The following PPIP5K2 variants were observed in gnomAD, a reference collection of about 807,000 sequenced individuals.
PPIP5K2 encodes diphosphoinositol pentakisphosphate kinase 2.
A neutral mutation model predicts 154.6 loss-of-function variants in PPIP5K2; 105 were observed. The observed-to-expected ratio is 0.68, with a 90% CI of 0.58 to 0.80. PPIP5K2 has a LOEUF of 0.80. PPIP5K2 is among the 30% of genes least tolerant of loss of function. The probability of loss-of-function intolerance (pLI) is 0.00; values close to 1 mark genes in which losing one functional copy is unlikely to be tolerated. For synonymous variants in PPIP5K2, 480 were observed against 490.3 expected (o/e 0.98, Z 0.28); for missense variants, 992 against 1,504.6 (o/e 0.66, Z 5.64).
At position 103,202,972 on chromosome 5, in the gene PPIP5K2, C is replaced by T. The variant is rs1052370159; in HGVS notation, c.*1338C>T. On this transcript the variant is annotated 3_prime_UTR_variant, in exon 31 of 31. Coordinates refer to ENST00000358359, the MANE Select transcript of PPIP5K2 (RefSeq NM_001276277.3). ...AATTAACTTATAGGAAATAAGCATA[C>T]TATATGTTAGCTGTTTTAAAAGGTA... 6.6e-6 allele frequency: 1 copy of T among 152,458 alleles called. No individual in the cohort carries two copies. Among genetic ancestry groups the T allele is most frequent in the Non-Finnish European group, 1.5e-5 (1 of 67,974 alleles). The allele number at this position is 152,458 out of a possible 1,614,324, so 9.4% of individuals were successfully genotyped here. A position where few individuals can be genotyped will look rare whatever the true frequency, so the allele number is the denominator to read the frequency against.
intron 19 of PPIP5K2, among the ~76,000 whole-genome samples, chr5:103,171,233 C>G (rs1797932065): frequency 6.6e-6 from 1 of 151,256 alleles, no homozygotes; most frequent in African/African-American, 2.4e-5. Context: ...AATTGGGGCC[C>G]TGGTTTAAAA....
Position 103,189,355 on chromosome 5 carries a change from T to G in PPIP5K2, c.3353-1487T>G, listed in dbSNP as rs1268986749. 2.0e-5 allele frequency: 12 copies of G among 604,510 alleles called. No individual in the cohort carries two copies. The Admixed American group carries it at 4.1e-4, about 21-fold the overall frequency. The allele number at this position is 604,510 out of a possible 1,614,324, so 37.4% of individuals were successfully genotyped here. A position where few individuals can be genotyped will look rare whatever the true frequency, so the allele number is the denominator to read the frequency against. On this transcript the variant is annotated intron_variant, in intron 28 of 30. Coordinates refer to ENST00000358359, the MANE Select transcript of PPIP5K2 (RefSeq NM_001276277.3). ...GAAAAAAATGTAGTCTAGAGGAACTTAATTATATTGTCATTTGCCTGTTAT... is the reference window on the plus strand; with the variant it reads ...GAAAAAAATGTAGTCTAGAGGAACTGAATTATATTGTCATTTGCCTGTTAT...
At chr5:103,152,602 G>C in intron 9 of PPIP5K2, 46 bp from the exon 10 acceptor site, 1 of 1,244,852 alleles carries the variant, frequency 8.0e-7, no homozygotes, top group Non-Finnish European at 1.2e-6. Context: ...ACCCAGTTTT[G>C]TCTTAAAACG....
At chr5:103,169,895 A>G (rs1019422172) in intron 19 of PPIP5K2, among the ~76,000 whole-genome samples, 1 of 151,466 alleles carries the variant, frequency 6.6e-6, no homozygotes, top group East Asian at 1.9e-4. Context: ...TATGGCAGCT[A>G]TAAGCACTTT....
intron 3 of PPIP5K2, among the ~76,000 whole-genome samples, chr5:103,135,214 C>A (rs1465645368): frequency 1.3e-5 from 2 of 152,020 alleles, no homozygotes; most frequent in African/African-American, 4.8e-5. Context: ...GCCTTATATC[C>A]ACACTATTAT....
chr5:103,133,134 G>C (rs1330135269), intron 2 of PPIP5K2, among the ~76,000 whole-genome samples: 1 of 152,150 alleles, frequency 6.6e-6, no homozygotes, highest in Non-Finnish European at 1.5e-5. Flanking sequence ...ATACTTTACT[G>C]GTGTGAGGAG....
At chr5:103,194,724 C>A in intron 29 of PPIP5K2, 176 bp from the exon 30 acceptor site, 1 of 592,388 alleles carries the variant, frequency 1.7e-6, no homozygotes, top group Non-Finnish European at 2.9e-6. Flanking sequence ...TGTCTAAGGC[C>A]ATAACAGAAC....
intron 14 of PPIP5K2, among the ~76,000 whole-genome samples, chr5:103,156,678 C>T (rs1795465829): frequency 6.6e-6 from 1 of 152,150 alleles, no homozygotes; most frequent in Admixed American, 6.5e-5. Context: ...GACAGGATTT[C>T]AGTCTATAGT....
chr5:103,151,983 C>T (rs1271365168), intron 9 of PPIP5K2, among the ~76,000 whole-genome samples: 3 of 151,918 alleles, frequency 2.0e-5, no homozygotes, highest in Non-Finnish European at 4.4e-5. Context: ...AGGAAACTTA[C>T]ATTAAAAAAT....
intron 17 of PPIP5K2, among the ~76,000 whole-genome samples, chr5:103,162,365 G>A (rs192525458): frequency 8.6e-6 from 1 of 116,768 alleles, no homozygotes; most frequent in Admixed American, 8.5e-5. Flanking sequence ...TTTTTTTTTT[G>A]TTTTTTTGTT....
intron 21 of PPIP5K2, among the ~76,000 whole-genome samples, chr5:103,177,423 T>TTTTGGA (rs1331141787): frequency 6.6e-6 from 1 of 151,920 alleles, no homozygotes; most frequent in Non-Finnish European, 1.5e-5. Context: ...GGGTTTTGGA[T>TTTTGGA]TTTGGATTTT....
At chr5:103,165,672 G>A (rs1797014854) in intron 17 of PPIP5K2, among the ~76,000 whole-genome samples, 1 of 152,022 alleles carries the variant, frequency 6.6e-6, no homozygotes, top group African/African-American at 2.4e-5. Flanking sequence ...AAGTTTATAG[G>A]AACAGTTTCC....
chr5:103,163,034 G>C (rs75891678), intron 17 of PPIP5K2, among the ~76,000 whole-genome samples: 7,511 of 145,274 alleles, frequency 0.052, 485 homozygotes, highest in African/African-American at 0.16. Context: ...TTGTTGATCC[G>C]TGTGCCAATG....
chr5:103,180,223 G>T, intron 24 of PPIP5K2, 35 bp downstream of exon 24: 1 of 1,456,356 alleles, frequency 6.9e-7, no homozygotes, highest in Non-Finnish European at 9.1e-7. Flanking sequence ...TTTTCATACA[G>T]TAAACTAACT....
chr5:103,125,779 G>A lies in PPIP5K2; in HGVS notation c.-284-3527G>A, dbSNP rs912872552. Among the ~76,000 whole-genome samples, 7 of 152,078 alleles carry A rather than the reference G, an allele frequency of 4.6e-5. No individual in the cohort carries two copies. In the South Asian group the frequency reaches 6.2e-4, roughly 14 times the overall value. ...CTCCTGAGTAGCTGGGATTACAGGC[G>A]CATGCCACCATGCCGGGCTAATTTT... is the stretch of plus-strand genomic sequence containing the variant. On this transcript the variant is annotated intron_variant, in intron 1 of 30. Transcript: ENST00000358359.
chr5:103,136,870 T>C, intron 4 of PPIP5K2, 48 bp downstream of exon 4: 1 of 1,336,194 alleles, frequency 7.5e-7, no homozygotes, highest in Non-Finnish European at 1.1e-6. Context: ...ATAACATTAA[T>C]TTAGTACCTA....
chr5:103,137,413 C>T (rs1472264637), intron 4 of PPIP5K2, among the ~76,000 whole-genome samples: 2 of 152,074 alleles, frequency 1.3e-5, no homozygotes, highest in African/African-American at 4.8e-5. Flanking sequence ...CCGCCTGCCT[C>T]GGCCTCCCAA....
At chr5:103,170,854 T>A (rs1314298248) in intron 19 of PPIP5K2, among the ~76,000 whole-genome samples, 1 of 151,552 alleles carries the variant, frequency 6.6e-6, no homozygotes, top group Non-Finnish European at 1.5e-5. Context: ...AAATTTTGCA[T>A]ACATAGTTCT....
chr5:103,166,274 G>T (rs1257707651), intron 17 of PPIP5K2, among the ~76,000 whole-genome samples: 5 of 151,988 alleles, frequency 3.3e-5, no homozygotes, highest in African/African-American at 1.2e-4. Context: ...GTTAGCCAAA[G>T]CATTAGTAGA....
Sources: allele counts gnomAD v4.1 joint callset (sites outside exome capture counted in the v4.1 genomes callset), GRCh38; gene constraint gnomAD v4.1.1; transcripts MANE v1.5; gene names NCBI Gene and HGNC (gene_info 2026-07-23, HGNC 2026-07-21).